COL22A1: variants seen among roughly 807,000 people sequenced by gnomAD.
COL22A1 encodes the protein collagen type XXII alpha 1 chain.
In COL22A1, 221 loss-of-function variants were observed where a neutral mutation model predicts 248.9. The ratio of observed to expected loss-of-function variants is 0.89; its 90% CI spans 0.80 to 0.99. COL22A1 has a LOEUF of 0.99. COL22A1 is among the 50% of genes least tolerant of loss of function. The pLI is 0.00. For missense variants in COL22A1, 2,240 were observed against 2,179.0 expected (o/e 1.03, Z -0.56); for synonymous variants, 891 against 793.4 (o/e 1.12, Z -2.07).
intron 34 of COL22A1, 86 bp downstream of exon 34, chr8:138,694,422 G>A (rs1017068324): frequency 7.4e-7 from 1 of 1,355,588 alleles, no homozygotes; most frequent in Non-Finnish European, 1.1e-6. Flanking sequence ...CCAGGGGAGA[G>A]AACTGGGGAG....
chr8:138,616,773 C>T (rs1032086065), intron 54 of COL22A1, 141 bp downstream of exon 54: 15 of 900,542 alleles, frequency 1.7e-5, no homozygotes, highest in Non-Finnish European at 2.6e-5. Context: ...TGTCCCTGTG[C>T]TGGCTTGCTC....
intron 22 of COL22A1, among the ~76,000 whole-genome samples, chr8:138,746,174 T>A (rs1217495310): frequency 6.6e-6 from 1 of 152,204 alleles, no homozygotes; most frequent in African/African-American, 2.4e-5. Flanking sequence ...TGCTAATCTC[T>A]AAAATAAAGG....
chr8:138,814,066 T>A (rs1818474912), intron 7 of COL22A1, among the ~76,000 whole-genome samples: 1 of 152,240 alleles, frequency 6.6e-6, no homozygotes, highest in Non-Finnish European at 1.5e-5. Context: ...ACACACACAG[T>A]CTACAGACAA....
intron 2 of COL22A1, among the ~76,000 whole-genome samples, chr8:138,881,558 G>A (rs1461333638): frequency 5.9e-5 from 9 of 152,132 alleles, no homozygotes; most frequent in African/African-American, 2.2e-4. Flanking sequence ...GGTGGCAGGC[G>A]CCTGTAGTCC....
chr8:138,735,267 G>C (rs915726674), intron 23 of COL22A1, among the ~76,000 whole-genome samples: 1 of 152,206 alleles, frequency 6.6e-6, no homozygotes, highest in African/African-American at 2.4e-5. Context: ...CCATCAGGCA[G>C]TGGCCCCATC....
intron 47 of COL22A1, among the ~76,000 whole-genome samples, chr8:138,640,386 A>G (rs1444342834): frequency 2.0e-5 from 3 of 152,128 alleles, no homozygotes; most frequent in African/African-American, 7.2e-5. Flanking sequence ...GAGGGCAGGG[A>G]CTAAACTTTC....
chr8:138,829,351 T>G (rs771891069), intron 5 of COL22A1, among the ~76,000 whole-genome samples: 3 of 151,824 alleles, frequency 2.0e-5, no homozygotes, highest in Non-Finnish European at 2.9e-5. Flanking sequence ...CAGATCAGTA[T>G]GCTGCTTTGT....
At chr8:138,886,390 T>C (rs531416699) in intron 1 of COL22A1, among the ~76,000 whole-genome samples, 173 of 151,446 alleles carry the variant, frequency 1.1e-3, no homozygotes, top group African/African-American at 4.0e-3. Context: ...TTGATGTTCA[T>C]ATTTGAGGGG....
chr8:138,763,052 A>C (rs1833622678), intron 16 of COL22A1, among the ~76,000 whole-genome samples: 1 of 152,110 alleles, frequency 6.6e-6, no homozygotes, highest in Non-Finnish European at 1.5e-5. Flanking sequence ...TGGGGATGAT[A>C]ATAACCCCTT....
In COL22A1 at chr8:138,752,101, C is replaced by T. The variant is rs559926775; in HGVS notation, c.2032-590G>A. On this transcript the variant is annotated intron_variant, in intron 21 of 64. Coordinates refer to ENST00000303045, the MANE Select transcript of COL22A1 (RefSeq NM_152888.3). The stretch of plus-strand genomic sequence containing the variant: ...CAAGTCACTTGGTGCCGTTAAACCT[C>T]GGTTATCTCATCTCTGAAGTGGGGA... 7.7e-4 allele frequency among the ~76,000 whole-genome samples: 118 copies of T among 152,316 alleles called. No homozygotes were observed. In the South Asian group the frequency reaches 0.021, roughly 28 times the overall value.
chr8:138,634,901 C>T (rs1184298897), intron 49 of COL22A1, 109 bp downstream of exon 49: 2 of 800,520 alleles, frequency 2.5e-6, no homozygotes, highest in Admixed American at 2.5e-5. Context: ...GGTGTTGGGC[C>T]ATCCCTTAAA....
intron 47 of COL22A1, among the ~76,000 whole-genome samples, chr8:138,644,434 C>G (rs1315425302): frequency 2.6e-5 from 4 of 152,208 alleles, no homozygotes; most frequent in African/African-American, 7.2e-5. Context: ...CAAATGAGCA[C>G]TTACAACTGA....
chr8:138,731,858 G>A (rs1017069571), intron 23 of COL22A1, among the ~76,000 whole-genome samples: 7 of 152,238 alleles, frequency 4.6e-5, no homozygotes, highest in African/African-American at 1.4e-4. Context: ...GGACCTTACC[G>A]TGAGGCTCAA....
At chr8:138,678,260 T>G (rs1825715626) in intron 40 of COL22A1, among the ~76,000 whole-genome samples, 1 of 152,144 alleles carries the variant, frequency 6.6e-6, no homozygotes, top group African/African-American at 2.4e-5. Flanking sequence ...GAACAGACCT[T>G]GCGAAGTTCT....
chr8:138,679,539 A>T, intron 40 of COL22A1, 78 bp downstream of exon 40: 1 of 1,203,982 alleles, frequency 8.3e-7, no homozygotes, highest in Admixed American at 1.7e-5. Flanking sequence ...CAGTCCCATT[A>T]TTTTGTTGTT....
At chr8:138,619,067 T>C (rs1354011461) in intron 53 of COL22A1, among the ~76,000 whole-genome samples, 1 of 152,208 alleles carries the variant, frequency 6.6e-6, no homozygotes, top group Non-Finnish European at 1.5e-5. Context: ...ACCATCATCA[T>C]TATTATTAAT....
intron 15 of COL22A1, among the ~76,000 whole-genome samples, chr8:138,777,020 C>T (rs1814526498): frequency 6.6e-6 from 1 of 152,198 alleles, no homozygotes; most frequent in Admixed American, 6.5e-5. Context: ...AGCACAGCTC[C>T]TCCCCAGGCA....
chr8:138,809,369 C>T (rs926053686), intron 9 of COL22A1, among the ~76,000 whole-genome samples: 13 of 152,254 alleles, frequency 8.5e-5, no homozygotes, highest in Non-Finnish European at 1.5e-4. Flanking sequence ...ATAGCAGATG[C>T]TTAATGTCTA....
chr8:138,702,061 T>G (rs930398363), intron 31 of COL22A1, among the ~76,000 whole-genome samples: 2 of 152,192 alleles, frequency 1.3e-5, no homozygotes, highest in Non-Finnish European at 2.9e-5. Context: ...CTTTTAAAAA[T>G]GCACACATAC....
Sources: allele counts gnomAD v4.1 joint callset (sites outside exome capture counted in the v4.1 genomes callset), GRCh38; gene constraint gnomAD v4.1.1; transcripts MANE v1.5; gene names NCBI Gene and HGNC (gene_info 2026-07-23, HGNC 2026-07-21).